UBE2L3: variants seen among roughly 807,000 people sequenced by gnomAD.
The protein encoded by UBE2L3 is ubiquitin conjugating enzyme E2 L3, also known as ubiquitin-conjugating enzyme E2 L3.
Under a neutral mutation model 17.8 loss-of-function variants are expected in UBE2L3, and 1 was observed. That is an observed-to-expected ratio of 0.06 (90% CI 0.02 to 0.27). The LOEUF (loss-of-function observed/expected upper bound fraction) is 0.27. Ranked by LOEUF, UBE2L3 falls within the 10% of genes least tolerant of loss-of-function variation. The pLI is 1.00. For missense variants in UBE2L3, 40 were observed against 192.6 expected (o/e 0.21, Z 4.69); for synonymous variants, 44 against 68.5 (o/e 0.64, Z 1.76).
intron 2 of UBE2L3, 22 bp downstream of exon 2, chr22:21,592,978 T>G: frequency 6.3e-7 from 1 of 1,591,210 alleles, no homozygotes; most frequent in African/African-American, 1.3e-5. Context: ...ACACTTCCAC[T>G]TCCTACCAGA....
chr22:21,587,966 T>C (rs547876116), intron 1 of UBE2L3, among the ~76,000 whole-genome samples: 23 of 152,320 alleles, frequency 1.5e-4, no homozygotes, highest in African/African-American at 5.3e-4. Context: ...AGCATTGCTC[T>C]CTTTCTCCTG....
chr22:21,564,613 G>A (rs1361819808), upstream of UBE2L3, among the ~76,000 whole-genome samples: 2 of 152,206 alleles, frequency 1.3e-5, no homozygotes, highest in African/African-American at 4.8e-5. Context: ...CGGTGAGGAT[G>A]TAAGAAGATG....
chr22:21,588,353 A>T (rs2148418004), intron 1 of UBE2L3, among the ~76,000 whole-genome samples: 1 of 151,806 alleles, frequency 6.6e-6, no homozygotes, highest in East Asian at 1.9e-4. Context: ...ATCGGGGCAC[A>T]GTTTTGCTTG....
chr22:21,586,863 A>G (rs924354969), intron 1 of UBE2L3, among the ~76,000 whole-genome samples: 1 of 137,710 alleles, frequency 7.3e-6, no homozygotes, highest in Non-Finnish European at 1.5e-5. Context: ...GGTGTGAGCC[A>G]CTGTGCCCGG....
At chr22:21,601,476 C>A (rs946639764) in intron 2 of UBE2L3, among the ~76,000 whole-genome samples, 3 of 151,504 alleles carry the variant, frequency 2.0e-5, no homozygotes, top group Admixed American at 1.3e-4. Flanking sequence ...CTACGCCTGG[C>A]TAATTTTTTT....
intron 1 of UBE2L3, among the ~76,000 whole-genome samples, chr22:21,556,547 A>G (rs1926232047): frequency 1.3e-5 from 2 of 152,096 alleles, no homozygotes; most frequent in African/African-American, 2.4e-5. Flanking sequence ...CTCTCACTTC[A>G]GCCTCCCGAG....
chr22:21,601,952 A>G (rs1225290829), intron 2 of UBE2L3, among the ~76,000 whole-genome samples: 11 of 146,724 alleles, frequency 7.5e-5, no homozygotes, highest in Non-Finnish European at 1.5e-4. Flanking sequence ...AGCCTCAGCG[A>G]CAGAGACTCC....
intron 3 of UBE2L3, among the ~76,000 whole-genome samples, chr22:21,617,702 G>A (rs190438402): frequency 1.3e-5 from 2 of 152,288 alleles, no homozygotes; most frequent in African/African-American, 4.8e-5. Flanking sequence ...TCCTATATAT[G>A]AAAAATGTTG....
At chr22:21,555,239 T>A (rs1926181199) in intron 1 of UBE2L3, 1 of 150,944 alleles carries the variant, frequency 6.6e-6, no homozygotes, top group South Asian at 2.1e-4. Context: ...TGATGGGGTG[T>A]CTGCACTAAA....
rs564550726 is a variant in UBE2L3 at position 21,556,696 on chromosome 22, G to A, written c.201+7046G>A. Among the ~76,000 whole-genome samples the A allele has an allele frequency of 5.5e-5, 8 of 146,096 alleles. No individual in the cohort carries two copies. In the East Asian group the frequency reaches 6.0e-4, roughly 11 times the overall value. Reference sequence around the variant, plus strand: ...AGGCTGGTCTTAAACTCCTGACCTCGAGCAATCCACCTGCCTCGGCCTCCC... The same window carrying A: ...AGGCTGGTCTTAAACTCCTGACCTCAAGCAATCCACCTGCCTCGGCCTCCC... On this transcript the variant is annotated intron_variant, in intron 1 of 3. Coordinates refer to the UBE2L3 transcript ENST00000458578.
chr22:21,578,594 C>T (rs1256443753), intron 1 of UBE2L3, among the ~76,000 whole-genome samples: 1 of 151,978 alleles, frequency 6.6e-6, no homozygotes, highest in Non-Finnish European at 1.5e-5. Context: ...TCAGGAATGC[C>T]AGGCACACCC....
chr22:21,609,346 A>G (rs1929351851), intron 2 of UBE2L3, among the ~76,000 whole-genome samples: 1 of 152,252 alleles, frequency 6.6e-6, no homozygotes, highest in Admixed American at 6.5e-5. Context: ...AAAGCAACCA[A>G]GATGTCCTTC....
intron 1 of UBE2L3, among the ~76,000 whole-genome samples, chr22:21,584,100 C>G (rs565596058): frequency 6.6e-6 from 1 of 152,198 alleles, no homozygotes; most frequent in African/African-American, 2.4e-5. Flanking sequence ...GTCTCGAACT[C>G]CCGACCTCAG....
At chr22:21,561,142 G>A (rs1926417161) in intron 1 of UBE2L3, among the ~76,000 whole-genome samples, 1 of 152,286 alleles carries the variant, frequency 6.6e-6, no homozygotes. Context: ...TTGGGCTTGA[G>A]CCTCTGACCA....
At chr22:21,615,331 A>G (rs1450323312) in intron 3 of UBE2L3, among the ~76,000 whole-genome samples, 18 of 152,012 alleles carry the variant, frequency 1.2e-4, no homozygotes, top group Admixed American at 2.6e-4. Context: ...CAAGGCGGGC[A>G]GATCACAAGG....
At chr22:21,574,024 G>A (rs143389815) in intron 1 of UBE2L3, among the ~76,000 whole-genome samples, 29 of 151,796 alleles carry the variant, frequency 1.9e-4, no homozygotes, top group Admixed American at 3.3e-4. Flanking sequence ...TAGGTTGAGG[G>A]GCCAGATCTA....
intron 3 of UBE2L3, among the ~76,000 whole-genome samples, chr22:21,619,449 G>A (rs1473056994): frequency 6.6e-6 from 1 of 152,016 alleles, no homozygotes; most frequent in African/African-American, 2.4e-5. Context: ...CCCAACAAAC[G>A]TGGAACCTGT....
intron 2 of UBE2L3, among the ~76,000 whole-genome samples, chr22:21,595,762 C>T (rs1157314926): frequency 1.3e-5 from 2 of 152,102 alleles, no homozygotes; most frequent in African/African-American, 4.8e-5. Flanking sequence ...TTGTGTACTG[C>T]CCTTTAGGAA....
chr22:21,567,694 C>G (rs751551968), upstream of UBE2L3: 5 of 1,560,268 alleles, frequency 3.2e-6, no homozygotes, highest in Non-Finnish European at 4.3e-6. Flanking sequence ...GGGCTCCAGC[C>G]GCCCGGCCGG....
Sources: gnomAD v4.1 joint callset for allele counts (sites outside exome capture counted in the v4.1 genomes callset) on GRCh38, gnomAD v4.1.1 for gene constraint, MANE v1.5 for transcripts, NCBI Gene and HGNC (gene_info 2026-07-23, HGNC 2026-07-21) for gene names.